MYLK: variants seen among roughly 807,000 people sequenced by gnomAD.
MYLK encodes myosin light chain kinase, smooth muscle.
Under a neutral mutation model 203.4 loss-of-function variants are expected in MYLK, and 106 were observed. The ratio of observed to expected loss-of-function variants is 0.52; its 90% CI spans 0.45 to 0.61. The LOEUF (loss-of-function observed/expected upper bound fraction) is 0.61. Among genes scored for constraint, MYLK ranks in the 20% least tolerant of loss-of-function variants. MYLK has a pLI of 0.00. For synonymous variants in MYLK, 867 were observed against 959.5 expected, an observed-to-expected ratio of 0.90 and a Z score of 1.78; for missense variants, 2,072 against 2,442.3, an observed-to-expected ratio of 0.85 and a Z score of 3.20.
At chr3:123,872,560 T>C (rs2032872096) in intron 2 of MYLK, among the ~76,000 whole-genome samples, 1 of 152,190 alleles carries the variant, frequency 6.6e-6, no homozygotes. Flanking sequence ...CTTCTTGGGT[T>C]TGATAATTTG....
intron 7 of MYLK, among the ~76,000 whole-genome samples, chr3:123,737,869 AG>A (rs1004201331): frequency 6.6e-6 from 1 of 152,128 alleles, no homozygotes; most frequent in African/African-American, 2.4e-5. Context: ...TTCTTTTCCT[AG>A]GGGAGTTCAA....
At chr3:123,694,711 G>A (rs2060836624) in intron 18 of MYLK, among the ~76,000 whole-genome samples, 1 of 152,226 alleles carries the variant, frequency 6.6e-6, no homozygotes, top group Admixed American at 6.5e-5. Context: ...AGGGGCATGT[G>A]GACCCGGCCC....
At chr3:123,829,409 A>G (rs949310110) in intron 3 of MYLK, among the ~76,000 whole-genome samples, 14 of 152,188 alleles carry the variant, frequency 9.2e-5, no homozygotes, top group African/African-American at 3.4e-4. Flanking sequence ...CAAAGAAGTA[A>G]AAAAGTAGAA....
At chr3:123,750,896 A>G (rs936167) in intron 5 of MYLK, among the ~76,000 whole-genome samples, 136,506 of 152,196 alleles carry the variant, frequency 0.9, 62,952 homozygotes, top group East Asian at 1. Flanking sequence ...TGAGTCACTC[A>G]GTTAAAGAAT....
chr3:123,649,826 G>A (rs972298372), intron 24 of MYLK, among the ~76,000 whole-genome samples: 1 of 152,226 alleles, frequency 6.6e-6, no homozygotes, highest in Non-Finnish European at 1.5e-5. Flanking sequence ...CACAACAGAG[G>A]AGGGTGACAC....
chr3:123,752,420 G>T lies in MYLK; in HGVS notation c.284C>A (p.Ala95Asp), dbSNP rs2063225109. The change falls in exon 5 of 34, where the codon GCT becomes GAT. Residue 95 changes from alanine (A) to aspartate (D), a missense_variant. Physicochemically the swap from Ala to Asp is moderately radical, Grantham distance 126. This residue lies in a region of MYLK where 683 missense variants were observed against 643.8 expected (regional missense o/e 1.06). Coordinates refer to ENST00000360304, the MANE Select transcript of MYLK (RefSeq NM_053025.4). The part of the protein sequence containing the change: ...IRGTFSLVIH[A>D]VHEEDRGKYT... Reference sequence around the variant, plus strand: ...CTTTCCCCTGTCCTCCTCATGGACAGCATGAATCACAAGGCTGAAAGTCCC... The same window carrying T: ...CTTTCCCCTGTCCTCCTCATGGACATCATGAATCACAAGGCTGAAAGTCCC... The T allele has an allele frequency of 1.2e-6, 2 of 1,614,076 alleles. No homozygotes were observed. Among genetic ancestry groups the T allele is most frequent in the African/African-American group, 2.7e-5 (2 of 74,942 alleles).
Position 123,825,274 on chromosome 3 carries a change from T to C in MYLK, c.-4+6274A>G, listed in dbSNP as rs76288958. On this transcript the variant is annotated intron_variant, in intron 3 of 33. Transcript: ENST00000360304. The stretch of plus-strand genomic sequence containing the variant: ...TGAAACATCTATTAAGAAATGTTGG[T>C]AGGGAGAGTGTTAGAAAGTAGCAGG... 6.8e-3 allele frequency among the ~76,000 whole-genome samples: 1,029 copies of C among 152,230 alleles called. 10 individuals are homozygous for C. The highest frequency in any genetic ancestry group is 0.021 in the African/African-American group (872 of 41,516).
intron 28 of MYLK, 106 bp from the exon 29 acceptor site, chr3:123,638,300 A>G (rs1467652932): frequency 2.0e-6 from 3 of 1,523,774 alleles, no homozygotes; most frequent in Middle Eastern, 2.3e-4. Flanking sequence ...GAGGGGCCAG[A>G]CACAGGCTTT....
intron 3 of MYLK, among the ~76,000 whole-genome samples, chr3:123,794,424 G>T (rs904043268): frequency 6.6e-6 from 1 of 152,144 alleles, no homozygotes; most frequent in Admixed American, 6.5e-5. Flanking sequence ...GGCATGGGGG[G>T]ACATCCCACC....
intron 21 of MYLK, 58 bp from the exon 22 acceptor site, chr3:123,666,404 C>A: frequency 6.2e-7 from 1 of 1,610,558 alleles, no homozygotes; most frequent in Non-Finnish European, 8.5e-7. Flanking sequence ...ATTCTGATCA[C>A]ATTCGACGCC....
At chr3:123,744,861 C>T (rs11718105) in intron 5 of MYLK, among the ~76,000 whole-genome samples, 39,685 of 152,044 alleles carry the variant, frequency 0.26, 6,625 homozygotes, top group Non-Finnish European at 0.38. Flanking sequence ...AAGATGCCTA[C>T]ATTTTATGCA....
intron 4 of MYLK, among the ~76,000 whole-genome samples, chr3:123,777,196 G>A (rs2064111348): frequency 6.6e-6 from 1 of 152,236 alleles, no homozygotes; most frequent in Non-Finnish European, 1.5e-5. Context: ...CAACTGCTAT[G>A]TGCTTGCGCA....
At position 123,700,280 on chromosome 3, in the gene MYLK, C is replaced by A; in HGVS notation, c.3188G>T (p.Ser1063Ile). 6.2e-7 allele frequency: 1 copy of A among 1,613,860 alleles called. No individual in the cohort carries two copies. The highest frequency in any genetic ancestry group is 8.5e-7 in the Non-Finnish European group (1 of 1,180,008). ...AKPDENLKSA[S>I]KEELKKDVKN... ...AACGTCTTTCTTGAGTTCTTCTTTG[C>A]TAGCGGATTTCAGGTTCTCATCAGG... Residue 1063 changes from serine (S) to isoleucine (I), a missense_variant, in exon 18 of 34, where the codon AGC becomes ATC. Physicochemically the swap from Ser to Ile is moderately radical, Grantham distance 142. Transcript: ENST00000360304.
At chr3:123,792,763 C>T (rs893690541) in intron 4 of MYLK, among the ~76,000 whole-genome samples, 1 of 152,120 alleles carries the variant, frequency 6.6e-6, no homozygotes, top group African/African-American at 2.4e-5. Flanking sequence ...TGGTAGTGCC[C>T]AGAGAGAAAC....
intron 3 of MYLK, among the ~76,000 whole-genome samples, chr3:123,796,584 A>C (rs2064995730): frequency 6.6e-6 from 1 of 152,244 alleles, no homozygotes; most frequent in Admixed American, 6.5e-5. Context: ...TTTACATATC[A>C]GAAGAAAGCA....
intron 4 of MYLK, among the ~76,000 whole-genome samples, chr3:123,775,557 G>C (rs545805248): frequency 6.6e-6 from 1 of 152,282 alleles, no homozygotes; most frequent in Non-Finnish European, 1.5e-5. Flanking sequence ...TCTATTAGGG[G>C]AGACAGTATC....
At chr3:123,741,358 G>A (rs772565855) in intron 5 of MYLK, among the ~76,000 whole-genome samples, 2 of 152,186 alleles carry the variant, frequency 1.3e-5, no homozygotes, top group Non-Finnish European at 2.9e-5. Flanking sequence ...TGGTGATTAC[G>A]ATACAGGCAT....
intron 2 of MYLK, among the ~76,000 whole-genome samples, chr3:123,855,512 G>T (rs1363443703): frequency 6.6e-6 from 1 of 151,884 alleles, no homozygotes; most frequent in East Asian, 1.9e-4. Context: ...TGGAGCATGA[G>T]CCTGTAGTTC....
intron 4 of MYLK, among the ~76,000 whole-genome samples, chr3:123,780,033 C>G (rs141285786): frequency 1.3e-5 from 2 of 152,302 alleles, no homozygotes; most frequent in East Asian, 3.9e-4. Flanking sequence ...GTTTACTGAA[C>G]GAACCTGCAA....
Sources: allele counts gnomAD v4.1 joint callset (sites outside exome capture counted in the v4.1 genomes callset), GRCh38; gene constraint gnomAD v4.1.1; regional missense constraint gnomAD v4.1.1; transcripts MANE v1.5; gene names NCBI Gene and HGNC (gene_info 2026-07-23, HGNC 2026-07-21).